COMMD10: variants seen among roughly 807,000 people sequenced by gnomAD.
COMMD10 encodes COMM domain containing 10.
A neutral mutation model predicts 28.9 loss-of-function variants in COMMD10; 33 were observed. The ratio of observed to expected loss-of-function variants is 1.14; its 90% confidence interval spans 0.87 to 1.53. COMMD10 has a LOEUF of 1.53. Ranked by LOEUF, COMMD10 falls within the 40% of genes most tolerant of loss-of-function variation. COMMD10 has a pLI of 0.00. For missense variants in COMMD10, 310 were observed against 233.4 expected (o/e 1.33, Z -2.14); for synonymous variants, 110 against 81.7 (o/e 1.35, Z -1.87).
intron 5 of COMMD10, among the ~76,000 whole-genome samples, chr5:116,164,330 A>G (rs1056654273): frequency 6.7e-6 from 1 of 148,350 alleles, no homozygotes; most frequent in Admixed American, 6.8e-5. Context: ...CAAAAAAAAT[A>G]AAAATAAAAT....
intron 5 of COMMD10, among the ~76,000 whole-genome samples, chr5:116,184,821 T>C (rs1748087607): frequency 6.6e-6 from 1 of 152,132 alleles, no homozygotes. Context: ...AGAGGAACAT[T>C]GTTAAATTCA....
At chr5:116,182,668 A>G (rs1227144383) in intron 5 of COMMD10, among the ~76,000 whole-genome samples, 2 of 152,120 alleles carry the variant, frequency 1.3e-5, no homozygotes, top group African/African-American at 2.4e-5. Context: ...TACAAATACT[A>G]AAAAATTAGA....
intron 1 of COMMD10, among the ~76,000 whole-genome samples, chr5:116,085,929 T>C (rs1750076872): frequency 6.6e-6 from 1 of 152,216 alleles, no homozygotes; most frequent in Non-Finnish European, 1.5e-5. Flanking sequence ...GGTGTCCAGG[T>C]TCTTGGCGTC....
intron 5 of COMMD10, among the ~76,000 whole-genome samples, chr5:116,276,525 C>G (rs948447418): frequency 1.9e-4 from 29 of 151,890 alleles, no homozygotes; most frequent in African/African-American, 6.5e-4. Flanking sequence ...CATGAGCCAC[C>G]ATGCCCAGCC....
At chr5:116,244,170 G>T (rs10053282) in intron 5 of COMMD10, among the ~76,000 whole-genome samples, 22 of 151,844 alleles carry the variant, frequency 1.4e-4, no homozygotes, top group Non-Finnish European at 3.1e-4. Flanking sequence ...GAAAATATAG[G>T]TTGAGGTAGG....
chr5:116,098,967 G>A (rs139342703), intron 4 of COMMD10, among the ~76,000 whole-genome samples: 1 of 152,280 alleles, frequency 6.6e-6, no homozygotes, highest in African/African-American at 2.4e-5. Flanking sequence ...TTATGTGTGG[G>A]TGAGTGTGTG....
intron 5 of COMMD10, among the ~76,000 whole-genome samples, chr5:116,173,206 A>G (rs758978790): frequency 1.3e-5 from 2 of 152,122 alleles, no homozygotes; most frequent in Non-Finnish European, 2.9e-5. Flanking sequence ...AAATGAAAAA[A>G]ATTGTATGAA....
chr5:116,102,423 C>A (rs1337931860), intron 4 of COMMD10, among the ~76,000 whole-genome samples: 1 of 152,058 alleles, frequency 6.6e-6, no homozygotes, highest in African/African-American at 2.4e-5. Context: ...ATGTGTCTAT[C>A]TTTATACTAG....
chr5:116,244,092 G>C (rs1749880177), intron 5 of COMMD10, among the ~76,000 whole-genome samples: 1 of 152,092 alleles, frequency 6.6e-6, no homozygotes, highest in Non-Finnish European at 1.5e-5. Context: ...AGGAATCTGT[G>C]CTTCTCAAGG....
chr5:116,292,869 G>A lies in COMMD10; in HGVS notation c.*380G>A, dbSNP rs1580368202. The A allele has an allele frequency of 5.1e-6, 2 of 394,290 alleles. No individual in the cohort carries two copies. The highest frequency in any genetic ancestry group is 3.6e-5 in the East Asian group (1 of 27,812). 24.4% of individuals were successfully genotyped at this position (394,290 alleles called of 1,614,324 possible). ...GATACAAGATAAGATGTGTACCTTA[G>A]TAGAATACAGAGCTTTGGTAATTAC... On this transcript the variant is annotated 3_prime_UTR_variant, in exon 7 of 7. Transcript: ENST00000274458.
chr5:116,287,872 C>T (rs1447486754), intron 5 of COMMD10, among the ~76,000 whole-genome samples: 2 of 151,762 alleles, frequency 1.3e-5, no homozygotes, highest in Non-Finnish European at 2.9e-5. Flanking sequence ...CCATTTGTTA[C>T]TGATGTTACA....
At chr5:116,189,832 CCACTTAAAG>C (rs1462935754) in intron 5 of COMMD10, among the ~76,000 whole-genome samples, 2 of 152,090 alleles carry the variant, frequency 1.3e-5, no homozygotes, top group African/African-American at 4.8e-5. Context: ...AAAATGAAAA[CCACTTAAAG>C]CATATTTTCA....
chr5:116,211,752 G>C (rs552404257), intron 5 of COMMD10, among the ~76,000 whole-genome samples: 64 of 152,132 alleles, frequency 4.2e-4, no homozygotes, highest in African/African-American at 1.4e-3. Flanking sequence ...TCTATTTGCA[G>C]CTACATTACA....
At chr5:116,255,093 C>G (rs1044146348) in intron 5 of COMMD10, among the ~76,000 whole-genome samples, 1 of 151,692 alleles carries the variant, frequency 6.6e-6, no homozygotes, top group African/African-American at 2.4e-5. Context: ...GGTTTAAAGT[C>G]TGTTTTATCC....
chr5:116,141,558 A>G (rs901671689), intron 5 of COMMD10, among the ~76,000 whole-genome samples: 3 of 151,762 alleles, frequency 2.0e-5, no homozygotes, highest in Non-Finnish European at 4.4e-5. Flanking sequence ...ATATCTTGCT[A>G]TTTAATTATG....
intron 5 of COMMD10, among the ~76,000 whole-genome samples, chr5:116,256,066 C>T (rs1403392116): frequency 6.6e-6 from 1 of 151,478 alleles, no homozygotes; most frequent in African/African-American, 2.4e-5. Context: ...CTGAAATTAC[C>T]TTCTATAAAA....
At chr5:116,245,149 T>A (rs749567683) in intron 5 of COMMD10, among the ~76,000 whole-genome samples, 17 of 151,262 alleles carry the variant, frequency 1.1e-4, no homozygotes, top group Non-Finnish European at 2.1e-4. Flanking sequence ...ATAAACACAA[T>A]CAGAAATGAT....
intron 5 of COMMD10, among the ~76,000 whole-genome samples, chr5:116,235,077 G>C (rs1344042612): frequency 2.0e-5 from 3 of 152,144 alleles, no homozygotes. Context: ...TATAATTTCA[G>C]ATCTGTGCCT....
At chr5:116,274,961 C>T (rs932895147) in intron 5 of COMMD10, among the ~76,000 whole-genome samples, 1 of 151,726 alleles carries the variant, frequency 6.6e-6, no homozygotes, top group Admixed American at 6.6e-5. Flanking sequence ...CATCTAATGG[C>T]CTGCTGGTAT....
Sources: gnomAD v4.1 joint callset for allele counts (sites outside exome capture counted in the v4.1 genomes callset) on GRCh38, gnomAD v4.1.1 for gene constraint, MANE v1.5 for transcripts, NCBI Gene and HGNC (gene_info 2026-07-23, HGNC 2026-07-21) for gene names.